Variants in RBFOX2 observed in about 807,000 individuals in gnomAD.
The protein encoded by RBFOX2 is RNA binding protein fox-1 homolog 2.
A neutral mutation model predicts 49.1 loss-of-function variants in RBFOX2; 10 were observed. The ratio of observed to expected loss-of-function variants is 0.20; its 90% confidence interval spans 0.13 to 0.35. The LOEUF (loss-of-function observed/expected upper bound fraction) is 0.35. Among genes scored for constraint, RBFOX2 ranks in the 10% least tolerant of loss-of-function variants. The probability of loss-of-function intolerance (pLI) is 1.00; values close to 1 mark genes in which losing one functional copy is unlikely to be tolerated. For synonymous variants in RBFOX2, 183 were observed against 187.4 expected (o/e 0.98, Z 0.19); for missense variants, 323 against 486.9 (o/e 0.66, Z 3.17).
intron 1 of RBFOX2, among the ~76,000 whole-genome samples, chr22:36,024,234 T>C (rs2059346625): frequency 6.6e-6 from 1 of 152,194 alleles, no homozygotes. Flanking sequence ...TACCCAAAAC[T>C]GTTAGGTATT....
intron 11 of RBFOX2, 96 bp from the exon 14 acceptor site, chr22:35,744,345 G>GC (rs1931455058): frequency 3.4e-6 from 4 of 1,174,024 alleles, no homozygotes; most frequent in Non-Finnish European, 4.7e-6. Flanking sequence ...GAAACAGCCT[G>GC]CTTCGAAGCC....
intron 2 of RBFOX2, among the ~76,000 whole-genome samples, chr22:35,789,938 T>C (rs1947267208): frequency 6.6e-6 from 1 of 152,168 alleles, no homozygotes; most frequent in South Asian, 2.1e-4. Flanking sequence ...GAGTGGAGGC[T>C]TGGGGGACTT....
chr22:35,852,836 A>ATT (rs2042094214), intron 1 of RBFOX2, among the ~76,000 whole-genome samples: 1 of 152,226 alleles, frequency 6.6e-6, no homozygotes, highest in South Asian at 2.1e-4. Context: ...ATGCTGTTGT[A>ATT]TTTAAGATGA....
intron 1 of RBFOX2, among the ~76,000 whole-genome samples, chr22:35,893,924 T>C (rs1012781637): frequency 2.0e-5 from 3 of 152,040 alleles, no homozygotes; most frequent in Admixed American, 2.0e-4. Context: ...TAGGCTCCCT[T>C]AGCAACACAC....
intron 2 of RBFOX2, among the ~76,000 whole-genome samples, chr22:35,805,094 TG>T (rs1950469331): frequency 6.6e-6 from 1 of 151,908 alleles, no homozygotes; most frequent in Non-Finnish European, 1.5e-5. Flanking sequence ...GAGACCATCC[TG>T]GCTAACACAG....
intron 1 of RBFOX2, among the ~76,000 whole-genome samples, chr22:35,822,182 T>C (rs895443723): frequency 6.6e-6 from 1 of 152,226 alleles, no homozygotes. Context: ...CTATGACTTG[T>C]GTCTTGTATT....
At chr22:35,787,888 C>T (rs1295320641) in intron 2 of RBFOX2, among the ~76,000 whole-genome samples, 4 of 152,104 alleles carry the variant, frequency 2.6e-5, no homozygotes, top group Admixed American at 6.6e-5. Flanking sequence ...GTCCGTTCAC[C>T]GACAGTTTAG....
At chr22:35,954,314 A>C (rs2055303292) in intron 1 of RBFOX2, among the ~76,000 whole-genome samples, 1 of 152,244 alleles carries the variant, frequency 6.6e-6, no homozygotes, top group Non-Finnish European at 1.5e-5. Context: ...AATATACATA[A>C]AGCTCTTAAC....
chr22:36,022,148 ACTGT>A (rs1407010135), intron 1 of RBFOX2, among the ~76,000 whole-genome samples: 1 of 152,180 alleles, frequency 6.6e-6, no homozygotes, highest in African/African-American at 2.4e-5. Context: ...TACTAAAATG[ACTGT>A]CTTTTTCTAC....
chr22:36,012,517 C>T (rs2058858965), intron 1 of RBFOX2, among the ~76,000 whole-genome samples: 1 of 152,110 alleles, frequency 6.6e-6, no homozygotes, highest in Admixed American at 6.6e-5. Context: ...GAGTTCAAGG[C>T]TGCAGTGAGC....
chr22:35,825,981 CA>C (rs901630936), intron 1 of RBFOX2, among the ~76,000 whole-genome samples: 961 of 39,854 alleles, frequency 0.024, no homozygotes, highest in Non-Finnish European at 0.029. Context: ...GACTCCGCTT[CA>C]AAAAAAAAAA....
At chr22:35,746,532 C>T (rs773624230) in exon 10 of RBFOX2, 1 of 1,608,526 alleles carries the variant, frequency 6.2e-7, no homozygotes, top group Admixed American at 1.7e-5. Flanking sequence ...CAGTAGCAGG[C>T]TGTGCATATC....
At chr22:35,845,684 G>A (rs2041092346) in intron 1 of RBFOX2, among the ~76,000 whole-genome samples, 1 of 152,188 alleles carries the variant, frequency 6.6e-6, no homozygotes, top group Non-Finnish European at 1.5e-5. Context: ...ACACATCCCT[G>A]TGAGGGATTA....
At chr22:35,897,205 G>T in intron 1 of RBFOX2, 1 of 897,594 alleles carries the variant, frequency 1.1e-6, no homozygotes, top group Non-Finnish European at 1.8e-6. Context: ...CTGGCTGGGT[G>T]CTCAAACCAC....
intron 1 of RBFOX2, among the ~76,000 whole-genome samples, chr22:35,949,148 G>A (rs556370552): frequency 2.0e-5 from 3 of 152,268 alleles, no homozygotes; most frequent in African/African-American, 7.2e-5. Context: ...ATTGTAGCAC[G>A]TGTCAGAATT....
intron 1 of RBFOX2, among the ~76,000 whole-genome samples, chr22:35,945,527 A>G (rs1214649976): frequency 6.6e-6 from 1 of 151,994 alleles, no homozygotes; most frequent in Non-Finnish European, 1.5e-5. Flanking sequence ...TGCAGCCTCG[A>G]CCTCGCAGAC....
chr22:36,015,694 T>C (rs1444863886), intron 1 of RBFOX2, among the ~76,000 whole-genome samples: 1 of 152,188 alleles, frequency 6.6e-6, no homozygotes, highest in East Asian at 1.9e-4. Flanking sequence ...GATTAGGGGA[T>C]AGCGACCTCA....
intron 1 of RBFOX2, among the ~76,000 whole-genome samples, chr22:35,977,463 T>TA (rs551162774): frequency 2.6e-4 from 39 of 152,060 alleles, no homozygotes; most frequent in African/African-American, 8.2e-4. Context: ...AAAAGCTACA[T>TA]AATACATGAT....
intron 2 of RBFOX2, among the ~76,000 whole-genome samples, chr22:35,782,567 C>T (rs972800542): frequency 2.6e-5 from 4 of 152,214 alleles, no homozygotes; most frequent in Non-Finnish European, 5.9e-5. Context: ...GTGATCCGCC[C>T]GCCTTGGCCT....
Sources: allele counts gnomAD v4.1 joint callset (sites outside exome capture counted in the v4.1 genomes callset), GRCh38; gene constraint gnomAD v4.1.1; transcripts MANE v1.5; gene names NCBI Gene and HGNC (gene_info 2026-07-23, HGNC 2026-07-21).